Variants in DCAF12 observed in about 807,000 individuals in gnomAD.
DCAF12 encodes DDB1 and CUL4 associated factor 12, also known as DDB1- and CUL4-associated factor 12.
Under a neutral mutation model 52.8 loss-of-function variants are expected in DCAF12, and 28 were observed. The observed-to-expected ratio is 0.53, with a 90% CI of 0.39 to 0.73. The LOEUF is 0.73. Ranked by LOEUF, DCAF12 falls within the 30% of genes least tolerant of loss-of-function variation. The pLI is 0.00. For synonymous variants in DCAF12, 196 were observed against 215.5 expected (o/e 0.91, Z 0.79); for missense variants, 425 against 552.2 (o/e 0.77, Z 2.31).
intron 7 of DCAF12, 165 bp from the exon 8 acceptor site, chr9:34,089,755 C>T (rs1369515460): frequency 1.7e-6 from 1 of 580,504 alleles, no homozygotes; most frequent in Non-Finnish European, 2.9e-6. Context: ...TTAGCTCATG[C>T]AAAAGCAAAG....
chr9:34,124,746 G>T (rs1479438085), intron 2 of DCAF12, among the ~76,000 whole-genome samples: 1 of 152,026 alleles, frequency 6.6e-6, no homozygotes, highest in African/African-American at 2.4e-5. Context: ...AAAATATGAG[G>T]CAAAAACAAA....
rs188567017 is a variant in DCAF12 at position 34,087,540 on chromosome 9, G to A, written c.*810C>T. The A allele has an allele frequency of 6.6e-6, 1 of 152,166 alleles. No homozygotes were observed. The highest frequency in any genetic ancestry group is 1.5e-5 in the Non-Finnish European group (1 of 68,060). The allele number at this position is 152,166 out of a possible 1,614,324, so 9.4% of individuals were successfully genotyped here. On this transcript the variant is annotated 3_prime_UTR_variant, in exon 9 of 9. Coordinates refer to ENST00000361264, the MANE Select transcript of DCAF12 (RefSeq NM_015397.4). ...GTGAGTCTGATGTTTTAGGGGTGTG[G>A]CTACTGGCTAAGCAGATGTGAGGGT...
At chr9:34,108,873 C>T (rs1489008329) in intron 2 of DCAF12, among the ~76,000 whole-genome samples, 1 of 149,002 alleles carries the variant, frequency 6.7e-6, no homozygotes, top group Non-Finnish European at 1.5e-5. Flanking sequence ...GTCCCAACTA[C>T]TTAGCTACTC....
At chr9:34,091,619 T>C (rs1282409533) in intron 7 of DCAF12, among the ~76,000 whole-genome samples, 2 of 117,004 alleles carry the variant, frequency 1.7e-5, no homozygotes, top group South Asian at 2.6e-4. Flanking sequence ...GCCTGGCTGA[T>C]AGAGTGAGGA....
chr9:34,093,186 T>A, intron 7 of DCAF12, 100 bp downstream of exon 7: 3 of 1,433,052 alleles, frequency 2.1e-6, no homozygotes, highest in Non-Finnish European at 2.9e-6. Flanking sequence ...AAATGTTCCA[T>A]ACAGAGCACT....
At chr9:34,117,012 G>T (rs893507634) in intron 2 of DCAF12, among the ~76,000 whole-genome samples, 2 of 152,162 alleles carry the variant, frequency 1.3e-5, no homozygotes, top group Non-Finnish European at 2.9e-5. Flanking sequence ...ACGTGTCTGC[G>T]CTATGCCAAG....
chr9:34,102,287 A>AC (rs988692917), intron 4 of DCAF12, among the ~76,000 whole-genome samples: 3 of 151,812 alleles, frequency 2.0e-5, no homozygotes, highest in African/African-American at 7.3e-5. Context: ...TGCCTCCAAA[A>AC]AAAAAAAGAA....
At chr9:34,095,083 C>CT (rs60125831) in intron 6 of DCAF12, among the ~76,000 whole-genome samples, 28 of 148,166 alleles carry the variant, frequency 1.9e-4, no homozygotes, top group East Asian at 1.8e-3. Flanking sequence ...ACTTTGGAGG[C>CT]TTTTTTTTTT....
intron 2 of DCAF12, chr9:34,109,905 G>A (rs757566546): frequency 3.3e-5 from 8 of 242,718 alleles, no homozygotes; most frequent in Admixed American, 7.8e-5. Flanking sequence ...GCTGGTGGAC[G>A]GAGAGGGTGA....
chr9:34,124,947 C>G, intron 2 of DCAF12, 76 bp downstream of exon 2: 2 of 1,551,392 alleles, frequency 1.3e-6, no homozygotes, highest in South Asian at 2.4e-5. Context: ...GACGGGAAAA[C>G]TAGCAGAGGT....
chr9:34,121,172 C>A (rs61292662), intron 2 of DCAF12, among the ~76,000 whole-genome samples: 4 of 152,050 alleles, frequency 2.6e-5, no homozygotes, highest in Non-Finnish European at 5.9e-5. Context: ...AACAAACAAA[C>A]AAAAAAACCC....
intron 7 of DCAF12, 48 bp downstream of exon 7, chr9:34,093,238 C>G (rs757861930): frequency 1.2e-6 from 2 of 1,607,480 alleles, no homozygotes; most frequent in Admixed American, 3.3e-5. Flanking sequence ...AAGTCAGAAC[C>G]CATATGCAGT....
chr9:34,121,476 T>C (rs1219183993), intron 2 of DCAF12, among the ~76,000 whole-genome samples: 1 of 152,146 alleles, frequency 6.6e-6, no homozygotes, highest in African/African-American at 2.4e-5. Flanking sequence ...AACAAGCAAC[T>C]ATATCTGACT....
chr9:34,101,123 G>C (rs1295157921), intron 4 of DCAF12, among the ~76,000 whole-genome samples: 1 of 147,836 alleles, frequency 6.8e-6, no homozygotes, highest in Non-Finnish European at 1.5e-5. Context: ...CCAAGCTGGA[G>C]TGCAATAACA....
intron 4 of DCAF12, among the ~76,000 whole-genome samples, chr9:34,101,623 C>T (rs1828831174): frequency 6.6e-6 from 1 of 151,624 alleles, no homozygotes; most frequent in South Asian, 2.1e-4. Flanking sequence ...AACTCCTGAC[C>T]TCAGGTGATC....
Position 34,091,490 on chromosome 9 carries a change from G to T in DCAF12, c.1024+1796C>A, listed in dbSNP as rs1587730231. On this transcript the variant is annotated intron_variant, in intron 7 of 8. Transcript: ENST00000361264. Reference sequence around the variant, plus strand: ...TGTCTCTACAAAAATACAAAAATTAGCTGAATGAGGTGGCGGACGCTTATA... The same window carrying T: ...TGTCTCTACAAAAATACAAAAATTATCTGAATGAGGTGGCGGACGCTTATA... Among the ~76,000 whole-genome samples the T allele has an allele frequency of 3.3e-5, 5 of 152,024 alleles. No homozygotes were observed. The South Asian group carries it at 1.0e-3, about 32-fold the overall frequency.
chr9:34,107,446 A>G lies in DCAF12; in HGVS notation c.453T>C (p.Ser151=). 6.2e-7 allele frequency: 1 copy of G among 1,614,206 alleles called. No individual in the cohort carries two copies. The highest frequency in any genetic ancestry group is 8.5e-7 in the Non-Finnish European group (1 of 1,180,038). ...CGIHAIELNP[S]RTLLATGGDN... is the part of the protein sequence containing the mutation. The stretch of plus-strand genomic sequence containing the variant: ...CTCCTCCAGTGGCTAGCAGTGTTCT[A>G]GAAGGATTCAGCTCGATGGCATGGA... Residue 151 remains serine (S), a synonymous_variant, in exon 3 of 9, where the codon TCT becomes TCC. Transcript: ENST00000361264.
intron 4 of DCAF12, 70 bp from the exon 5 acceptor site, chr9:34,098,587 G>C: frequency 6.6e-7 from 1 of 1,507,928 alleles, no homozygotes; most frequent in Non-Finnish European, 9.0e-7. Flanking sequence ...AGACGCCAAA[G>C]AGGGCTTTCA....
intron 2 of DCAF12, 124 bp downstream of exon 2, chr9:34,124,899 G>A: frequency 8.1e-7 from 1 of 1,235,990 alleles, no homozygotes; most frequent in Non-Finnish European, 1.1e-6. Context: ...GGGAAAGAAT[G>A]GAAAGGAGAG....
Sources: allele counts gnomAD v4.1 joint callset (sites outside exome capture counted in the v4.1 genomes callset), GRCh38; gene constraint gnomAD v4.1.1; transcripts MANE v1.5; gene names NCBI Gene and HGNC (gene_info 2026-07-23, HGNC 2026-07-21).